Variants in VTI1A observed in about 807,000 individuals in gnomAD.
VTI1A encodes the protein vesicle transport through interaction with t-SNAREs homolog 1A.
In VTI1A, 22 loss-of-function variants were observed where a neutral mutation model predicts 34.9. That is an observed-to-expected ratio of 0.63 (90% CI 0.45 to 0.90). VTI1A has a LOEUF of 0.90. Among genes scored for constraint, VTI1A ranks in the 40% least tolerant of loss-of-function variants. The pLI, the probability that VTI1A is intolerant of heterozygous loss-of-function variation, is 0.00. For synonymous variants in VTI1A, 87 were observed against 97.3 expected (o/e 0.89, Z 0.62); for missense variants, 268 against 275.6 (o/e 0.97, Z 0.20).
chr10:112,643,906 G>T lies in VTI1A; in HGVS notation c.428-24312G>T, dbSNP rs531124546. On this transcript the variant is annotated intron_variant, in intron 5 of 7. Transcript: ENST00000393077. The stretch of plus-strand genomic sequence containing the variant: ...AATAGTCTGAGTCTCAGTGGCAAAT[G>T]AAAATACAATTGAATCTCAAGTGAA... Among the ~76,000 whole-genome samples the T allele has an allele frequency of 2.0e-5, 3 of 151,812 alleles. No homozygotes were observed. The East Asian group carries it at 5.8e-4, about 29-fold the overall frequency.
chr10:112,684,916 G>A (rs897340548), intron 7 of VTI1A, among the ~76,000 whole-genome samples: 1 of 152,142 alleles, frequency 6.6e-6, no homozygotes, highest in East Asian at 1.9e-4. Context: ...ATGTATCTGT[G>A]TACATTGGGC....
chr10:112,697,058 G>C (rs1201926025), intron 7 of VTI1A, among the ~76,000 whole-genome samples: 5 of 152,064 alleles, frequency 3.3e-5, no homozygotes, highest in Non-Finnish European at 5.9e-5. Flanking sequence ...AGAATAATCA[G>C]AAATATTTTC....
chr10:112,511,388 C>T lies in VTI1A; in HGVS notation c.265-15699C>T, dbSNP rs371837007. Among the ~76,000 whole-genome samples, 7 of 151,796 alleles carry T rather than the reference C, an allele frequency of 4.6e-5. No homozygotes were observed. The South Asian group carries it at 8.3e-4, about 18-fold the overall frequency. On this transcript the variant is annotated intron_variant, in intron 3 of 7. Coordinates refer to ENST00000393077, the MANE Select transcript of VTI1A (RefSeq NM_145206.4). ...CCTCCCAAGTAGCTGGGACTACAGG[C>T]GTGTACCACCACGCCCAGCTGATTT...
chr10:112,761,768 C>CTG (rs1463590893), intron 7 of VTI1A, among the ~76,000 whole-genome samples: 23 of 82,408 alleles, frequency 2.8e-4, no homozygotes, highest in East Asian at 8.9e-4. Flanking sequence ...CTCTTTCTTT[C>CTG]TCTGTGTGTG....
intron 5 of VTI1A, among the ~76,000 whole-genome samples, chr10:112,582,646 AC>A (rs1161490198): frequency 6.6e-6 from 1 of 152,180 alleles, no homozygotes; most frequent in Non-Finnish European, 1.5e-5. Context: ...CAAAACGCTT[AC>A]CTTGTTAAAT....
intron 5 of VTI1A, among the ~76,000 whole-genome samples, chr10:112,589,452 G>A (rs1347179675): frequency 6.6e-6 from 1 of 151,650 alleles, no homozygotes; most frequent in African/African-American, 2.4e-5. Context: ...CAGCCACATG[G>A]AACTGTAAGT....
intron 5 of VTI1A, among the ~76,000 whole-genome samples, chr10:112,552,331 T>C (rs2290962): frequency 0.052 from 7,967 of 152,262 alleles, 456 homozygotes; most frequent in East Asian, 0.26. Flanking sequence ...TAAGTACTTT[T>C]AGTTTCCCTC....
intron 5 of VTI1A, among the ~76,000 whole-genome samples, chr10:112,589,004 C>T (rs1436649025): frequency 2.8e-5 from 4 of 143,922 alleles, no homozygotes; most frequent in Non-Finnish European, 6.0e-5. Context: ...TATTTCAACA[C>T]TTTGACTCCT....
At chr10:112,745,410 AT>A (rs1850860192) in intron 7 of VTI1A, among the ~76,000 whole-genome samples, 1 of 151,792 alleles carries the variant, frequency 6.6e-6, no homozygotes, top group African/African-American at 2.4e-5. Context: ...GGCTCTATAC[AT>A]TTTGTTTTTG....
intron 4 of VTI1A, among the ~76,000 whole-genome samples, chr10:112,530,044 A>C (rs1289649304): frequency 6.6e-6 from 1 of 152,188 alleles, no homozygotes; most frequent in Admixed American, 6.5e-5. Context: ...AATGTTAAAA[A>C]TTCAGAAATT....
At chr10:112,837,344 G>C in the VTI1A span, among the ~76,000 whole-genome samples, 6 of 152,142 alleles carry the variant, frequency 3.9e-5, no homozygotes, top group Admixed American at 2.6e-4. Flanking sequence ...AATCCTGGGA[G>C]GGGGAGGGGA....
At chr10:112,600,065 G>T (rs1016572861) in intron 5 of VTI1A, among the ~76,000 whole-genome samples, 1 of 152,208 alleles carries the variant, frequency 6.6e-6, no homozygotes, top group African/African-American at 2.4e-5. Context: ...CTCACAGCTG[G>T]TGTGTGATGA....
intron 3 of VTI1A, among the ~76,000 whole-genome samples, chr10:112,518,589 C>CTCTCTCTCTA (rs1475485810): frequency 1.1e-5 from 1 of 94,336 alleles, no homozygotes; most frequent in African/African-American, 4.2e-5. Flanking sequence ...CTCTCTCTCT[C>CTCTCTCTCTA]TATATATATA....
intron 5 of VTI1A, among the ~76,000 whole-genome samples, chr10:112,643,352 A>G (rs1319769046): frequency 6.6e-6 from 1 of 152,114 alleles, no homozygotes; most frequent in African/African-American, 2.4e-5. Flanking sequence ...CATATAAGTC[A>G]GTGATCATTT....
intron 3 of VTI1A, among the ~76,000 whole-genome samples, chr10:112,490,921 A>G (rs73363089): frequency 0.017 from 2,523 of 152,224 alleles, 79 homozygotes; most frequent in African/African-American, 0.057. Flanking sequence ...AACACAAAGT[A>G]TTATTTTCAT....
At position 112,815,333 on chromosome 10, in the gene VTI1A, G is replaced by C; in HGVS notation, c.604G>C (p.Val202Leu). 6.2e-7 allele frequency: 1 copy of C among 1,613,922 alleles called. No homozygotes were observed. Among genetic ancestry groups the C allele is most frequent in the Admixed American group, 1.7e-5 (1 of 60,000 alleles). Reference sequence around the variant, plus strand: ...CCTGCTCGTCATCCTAGGGATCATCGTGGTCATCACCATCCTGATGGCGAT... The same window carrying C: ...CCTGCTCGTCATCCTAGGGATCATCCTGGTCATCACCATCCTGATGGCGAT... Reference protein sequence around the residue: ...RILLVILGIIVVITILMAITF... With the variant: ...RILLVILGIILVITILMAITF... The change falls in exon 8 of 8, where the codon GTG (valine) becomes CTG (leucine). Residue 202 changes from valine to leucine, a missense_variant. Coordinates refer to ENST00000393077, the MANE Select transcript of VTI1A (RefSeq NM_145206.4).
chr10:112,501,016 A>G (rs1186553674), intron 3 of VTI1A, among the ~76,000 whole-genome samples: 1 of 152,180 alleles, frequency 6.6e-6, no homozygotes, highest in Non-Finnish European at 1.5e-5. Context: ...TATCAAAATA[A>G]ACCTCCATTT....
At chr10:112,537,521 A>G (rs1850690941) in intron 4 of VTI1A, among the ~76,000 whole-genome samples, 1 of 151,758 alleles carries the variant, frequency 6.6e-6, no homozygotes, top group Non-Finnish European at 1.5e-5. Context: ...CATCAGATAA[A>G]TATAAAAGAG....
chr10:112,464,433 C>T, intron 2 of VTI1A, 114 bp from the exon 3 acceptor site: 1 of 858,142 alleles, frequency 1.2e-6, no homozygotes. Context: ...CACCCTGAAC[C>T]TGGTGCCTCA....
Sources: gnomAD v4.1 joint callset for allele counts (sites outside exome capture counted in the v4.1 genomes callset) on GRCh38, gnomAD v4.1.1 for gene constraint, MANE v1.5 for transcripts, NCBI Gene and HGNC (gene_info 2026-07-23, HGNC 2026-07-21) for gene names.